CWF19L2: variants seen among roughly 807,000 people sequenced by gnomAD.
CWF19L2 encodes CWF19-like protein 2.
CWF19L2 carries 98 observed loss-of-function variants against 111.7 expected under a neutral mutation model. The observed-to-expected ratio is 0.88, with a 90% confidence interval of 0.75 to 1.04. The LOEUF is 1.04. Ranked by LOEUF, CWF19L2 falls within the 50% of genes least tolerant of loss-of-function variation. The probability of loss-of-function intolerance (pLI) is 0.00; values close to 1 mark genes in which losing one functional copy is unlikely to be tolerated. For synonymous variants in CWF19L2, 351 were observed against 342.9 expected, an observed-to-expected ratio of 1.02 and a Z score of -0.26; for missense variants, 1,101 against 1,051.4, an observed-to-expected ratio of 1.05 and a Z score of -0.65.
intron 17 of CWF19L2, among the ~76,000 whole-genome samples, chr11:107,329,080 T>G (rs1472698506): frequency 6.6e-6 from 1 of 151,896 alleles, no homozygotes; most frequent in Non-Finnish European, 1.5e-5. Flanking sequence ...CCAAGCAGAG[T>G]TCACCAAGGC....
chr11:107,423,861 G>T (rs1156818221), intron 8 of CWF19L2, among the ~76,000 whole-genome samples: 7 of 150,606 alleles, frequency 4.6e-5, no homozygotes, highest in African/African-American at 7.3e-5. Flanking sequence ...AATGTTTGAG[G>T]ATTATTAACA....
chr11:107,392,739 G>T, intron 11 of CWF19L2, 40 bp downstream of exon 11: 1 of 1,224,176 alleles, frequency 8.2e-7, no homozygotes, highest in South Asian at 1.3e-5. Flanking sequence ...GGGGAAGAAG[G>T]AATTCTGAAT....
chr11:107,434,822 T>C (rs1861518193), intron 6 of CWF19L2, among the ~76,000 whole-genome samples: 1 of 152,056 alleles, frequency 6.6e-6, no homozygotes, highest in African/African-American at 2.4e-5. Flanking sequence ...GGTGACAAGG[T>C]AGTGACTAGA....
chr11:107,368,339 C>T (rs1228334371), intron 12 of CWF19L2, among the ~76,000 whole-genome samples: 1 of 137,382 alleles, frequency 7.3e-6, no homozygotes, highest in Non-Finnish European at 1.6e-5. Flanking sequence ...AAAACCTAGA[C>T]GAAATGGATA....
chr11:107,350,933 C>A (rs1435529795), intron 13 of CWF19L2, among the ~76,000 whole-genome samples: 1 of 152,152 alleles, frequency 6.6e-6, no homozygotes, highest in East Asian at 1.9e-4. Context: ...GCTTGTCAGA[C>A]AGCCAGTGTG....
At chr11:107,431,804 T>G (rs988265435) in intron 7 of CWF19L2, among the ~76,000 whole-genome samples, 1 of 152,056 alleles carries the variant, frequency 6.6e-6, no homozygotes, top group East Asian at 1.9e-4. Context: ...AACAGACCCA[T>G]GTATATGAGA....
At chr11:107,419,645 T>C (rs542843619) in intron 8 of CWF19L2, among the ~76,000 whole-genome samples, 2 of 152,160 alleles carry the variant, frequency 1.3e-5, no homozygotes, top group African/African-American at 2.4e-5. Flanking sequence ...CTTTTACAGA[T>C]GAAAACTACA....
intron 10 of CWF19L2, among the ~76,000 whole-genome samples, chr11:107,405,709 CT>C (rs1861066912): frequency 6.6e-6 from 1 of 151,922 alleles, no homozygotes; most frequent in African/African-American, 2.4e-5. Context: ...CCACAGCTTT[CT>C]ACTAAGAGGC....
At chr11:107,437,635 G>A (rs956844321) in intron 6 of CWF19L2, among the ~76,000 whole-genome samples, 1 of 152,128 alleles carries the variant, frequency 6.6e-6, no homozygotes, top group African/African-American at 2.4e-5. Context: ...ATGACATGAA[G>A]GGGAAGGGAG....
chr11:107,386,066 T>C (rs1470411900), intron 12 of CWF19L2, among the ~76,000 whole-genome samples: 1 of 152,196 alleles, frequency 6.6e-6, no homozygotes, highest in South Asian at 2.1e-4. Context: ...ACATAGCATA[T>C]ATAGGGGTTT....
intron 14 of CWF19L2, among the ~76,000 whole-genome samples, chr11:107,346,910 C>A (rs1860088508): frequency 1.3e-5 from 2 of 152,056 alleles, no homozygotes; most frequent in Admixed American, 6.5e-5. Flanking sequence ...AAGAAAAAGA[C>A]CTAAAGGTAC....
chr11:107,376,005 A>G (rs944725379), intron 12 of CWF19L2, among the ~76,000 whole-genome samples: 1 of 116,730 alleles, frequency 8.6e-6, no homozygotes, highest in African/African-American at 4.0e-5. Context: ...AATAAACTAG[A>G]AAATCTAGAA....
At chr11:107,449,393 T>C (rs1861747690) in intron 3 of CWF19L2, among the ~76,000 whole-genome samples, 1 of 151,932 alleles carries the variant, frequency 6.6e-6, no homozygotes, top group Non-Finnish European at 1.5e-5. Flanking sequence ...CTACATAAAA[T>C]AATAAAGAAT....
At position 107,457,660 on chromosome 11, in the gene CWF19L2, C is replaced by T. The variant is rs567891924; in HGVS notation, c.105+52G>A. ...GGGTGAGTGGGCTAGCTTACGGGAA[C>T]CCTCAACTCCCACAACAATAAATAA... On this transcript the variant is annotated intron_variant, in intron 1 of 17. Coordinates refer to ENST00000282251, the MANE Select transcript of CWF19L2 (RefSeq NM_152434.3). 3.0e-5 allele frequency: 40 copies of T among 1,347,498 alleles called. No homozygotes were observed. The Middle Eastern group carries it at 5.4e-4, about 18-fold the overall frequency. The allele number at this position is 1,347,498 out of a possible 1,614,324, so 83.5% of individuals were successfully genotyped here. A position where few individuals can be genotyped will look rare whatever the true frequency, so the allele number is the denominator to read the frequency against.
intron 12 of CWF19L2, among the ~76,000 whole-genome samples, chr11:107,389,565 A>C (rs1860818366): frequency 6.6e-6 from 1 of 152,232 alleles, no homozygotes; most frequent in Admixed American, 6.5e-5. Context: ...ATGCTATTTG[A>C]AACAAAAATT....
intron 10 of CWF19L2, among the ~76,000 whole-genome samples, chr11:107,413,508 G>A (rs758445367): frequency 6.6e-6 from 1 of 152,162 alleles, no homozygotes; most frequent in Non-Finnish European, 1.5e-5. Flanking sequence ...GCTGCAGGAA[G>A]ATCTGGTACT....
intron 14 of CWF19L2, 81 bp downstream of exon 14, chr11:107,348,856 A>G: frequency 2.9e-6 from 2 of 695,692 alleles, no homozygotes; most frequent in Non-Finnish European, 5.0e-6. Flanking sequence ...AAATGAAGTT[A>G]TACCTATTGG....
intron 10 of CWF19L2, among the ~76,000 whole-genome samples, chr11:107,414,255 G>A (rs1861195570): frequency 2.0e-5 from 3 of 151,890 alleles, no homozygotes; most frequent in South Asian, 2.1e-4. Flanking sequence ...GTACAGTGGT[G>A]CAATCATGGC....
intron 10 of CWF19L2, among the ~76,000 whole-genome samples, chr11:107,408,961 C>A (rs1038264308): frequency 6.6e-6 from 1 of 151,924 alleles, no homozygotes; most frequent in Non-Finnish European, 1.5e-5. Context: ...GCAAAGTATT[C>A]ATTGAGTAAA....
Sources: allele counts gnomAD v4.1 joint callset (sites outside exome capture counted in the v4.1 genomes callset), GRCh38; gene constraint gnomAD v4.1.1; transcripts MANE v1.5; gene names NCBI Gene and HGNC (gene_info 2026-07-23, HGNC 2026-07-21).